Variants in NCOA1 observed in about 807,000 individuals in gnomAD.
NCOA1 encodes the protein nuclear receptor coactivator 1.
NCOA1 carries 35 observed loss-of-function variants against 150.9 expected under a neutral mutation model. That is an observed-to-expected ratio of 0.23 (90% CI 0.18 to 0.31). The LOEUF (loss-of-function observed/expected upper bound fraction) is 0.31. NCOA1 is among the 10% of genes least tolerant of loss of function. The probability of loss-of-function intolerance (pLI) is 1.00; values close to 1 mark genes in which losing one functional copy is unlikely to be tolerated. For missense variants in NCOA1, 1,491 were observed against 1,749.3 expected, an observed-to-expected ratio of 0.85 and a Z score of 2.63; for synonymous variants, 590 against 630.0, an observed-to-expected ratio of 0.94 and a Z score of 0.95.
chr2:24,633,263 A>G (rs1292192855), intron 3 of NCOA1, among the ~76,000 whole-genome samples: 1 of 152,086 alleles, frequency 6.6e-6, no homozygotes, highest in Non-Finnish European at 1.5e-5. Context: ...ACAAAAAAGA[A>G]TTTTTACCAA....
intron 19 of NCOA1, among the ~76,000 whole-genome samples, chr2:24,745,464 A>T (rs1404686190): frequency 6.6e-6 from 1 of 152,016 alleles, no homozygotes; most frequent in African/African-American, 2.4e-5. Flanking sequence ...GCCTGGCCAG[A>T]AATTGTTTTC....
chr2:24,737,286 A>G (rs1572662951), intron 17 of NCOA1, among the ~76,000 whole-genome samples: 1 of 152,178 alleles, frequency 6.6e-6, no homozygotes, highest in African/African-American at 2.4e-5. Flanking sequence ...TGTACACAGC[A>G]CTAGTCAGGT....
chr2:24,611,060 T>G (rs907900167), intron 3 of NCOA1, among the ~76,000 whole-genome samples: 3 of 152,308 alleles, frequency 2.0e-5, no homozygotes, highest in Admixed American at 1.3e-4. Context: ...ACCCAGGTAG[T>G]GAGCATAGTA....
At chr2:24,733,927 G>C (rs990500111) in intron 17 of NCOA1, among the ~76,000 whole-genome samples, 1 of 152,132 alleles carries the variant, frequency 6.6e-6, no homozygotes, top group South Asian at 2.1e-4. Context: ...GCTCACGCCT[G>C]TAACCCCAGC....
intron 14 of NCOA1, among the ~76,000 whole-genome samples, chr2:24,718,901 C>T (rs1674205872): frequency 6.7e-6 from 1 of 148,866 alleles, no homozygotes. Context: ...TGGTGGCGGG[C>T]GCCTGTAATC....
At chr2:24,649,249 C>G (rs1388613703) in intron 4 of NCOA1, among the ~76,000 whole-genome samples, 1 of 152,120 alleles carries the variant, frequency 6.6e-6, no homozygotes, top group African/African-American at 2.4e-5. Context: ...TTTTATCACT[C>G]AGTTTTGTCT....
chr2:24,608,998 T>C (rs1446557676), intron 3 of NCOA1, among the ~76,000 whole-genome samples: 1 of 152,174 alleles, frequency 6.6e-6, no homozygotes, highest in Non-Finnish European at 1.5e-5. Context: ...ACATCACTGA[T>C]GGTGTTAAAT....
At chr2:24,681,351 G>GA (rs199832931) in intron 7 of NCOA1, among the ~76,000 whole-genome samples, 2,312 of 151,920 alleles carry the variant, frequency 0.015, 28 homozygotes, top group Non-Finnish European at 0.026. Flanking sequence ...AAAAGGAAAA[G>GA]AAAAAAAGGG....
Position 24,707,314 on chromosome 2 carries a change from A to G in NCOA1, c.1844A>G (p.Asn615Ser). 1.9e-6 allele frequency: 3 copies of G among 1,614,218 alleles called. No homozygotes were observed. The highest frequency in any genetic ancestry group is 1.7e-6 in the Non-Finnish European group (2 of 1,180,028). The change falls in exon 13 of 23, where the codon AAC becomes AGC. Residue 615 changes from asparagine (N) to serine (S), a missense_variant. Asn to Ser is a conservative substitution (Grantham distance 46). Transcript: ENST00000348332. ...GKPLDSGLLHNNDRLSDGDSK... is the reference protein window; with the variant it reads ...GKPLDSGLLHSNDRLSDGDSK... ...CCTCTGGATTCAGGGCTTCTGCATA[A>G]CAATGACAGACTTTCAGATGGAGAC... is the stretch of plus-strand genomic sequence containing the variant.
chr2:24,730,748 G>A (rs1030795523), intron 17 of NCOA1, among the ~76,000 whole-genome samples: 4 of 152,052 alleles, frequency 2.6e-5, no homozygotes, highest in Non-Finnish European at 2.9e-5. Flanking sequence ...GCTGTGGGCC[G>A]GGCGTGGTGG....
Position 24,705,158 on chromosome 2 carries a change from A to G in NCOA1, c.1022A>G (p.His341Arg). Residue 341 changes from histidine to arginine, a missense_variant, in exon 12 of 23, where the codon CAC (histidine) becomes CGC (arginine). Physicochemically the swap from His to Arg is conservative, Grantham distance 29. This residue lies in a region of NCOA1 where 703 missense variants were observed against 717.7 expected (regional missense o/e 0.98). Transcript: ENST00000348332. ...ILNDGTMLSA[H>R]TKCKLCYPQS... ...AATGATGGGACAATGCTTAGCGCCCACACCAAGTGTAAACTTTGCTACCCT... is the reference window on the plus strand; with the variant it reads ...AATGATGGGACAATGCTTAGCGCCCGCACCAAGTGTAAACTTTGCTACCCT... The G allele has an allele frequency of 6.2e-7, 1 of 1,614,104 alleles. No individual in the cohort carries two copies. The highest frequency in any genetic ancestry group is 8.5e-7 in the Non-Finnish European group (1 of 1,179,958).
intron 14 of NCOA1, 152 bp from the exon 15 acceptor site, chr2:24,726,437 T>C: frequency 2.0e-6 from 1 of 489,950 alleles, no homozygotes; most frequent in South Asian, 3.6e-5. Context: ...GTGGTCACAC[T>C]AGATAGTTTA....
At position 24,600,200 on chromosome 2, in the gene NCOA1, T is replaced by G. The variant is rs75456848; in HGVS notation, c.-175+15640T>G. Among the ~76,000 whole-genome samples the G allele has an allele frequency of 7.8e-3, 1,184 of 152,270 alleles. 17 individuals carry two copies. The highest frequency in any genetic ancestry group is 0.027 in the African/African-American group (1,112 of 41,548). ...GGGAGCAGCATTGCGATTATGTTTT[T>G]TTGTTGTTGTTGTTGTTTTTGAGGC... On this transcript the variant is annotated intron_variant, in intron 3 of 22. Transcript: ENST00000348332.
chr2:24,635,787 C>T (rs1458687516), intron 3 of NCOA1, among the ~76,000 whole-genome samples: 1 of 152,112 alleles, frequency 6.6e-6, no homozygotes, highest in Non-Finnish European at 1.5e-5. Context: ...CTATAAATCC[C>T]TTTCTTTAAT....
chr2:24,617,133 A>C (rs1668906236), intron 3 of NCOA1, among the ~76,000 whole-genome samples: 1 of 152,156 alleles, frequency 6.6e-6, no homozygotes, highest in Admixed American at 6.5e-5. Context: ...AGGATGGTAG[A>C]AATGTTGAAC....
intron 1 of NCOA1, among the ~76,000 whole-genome samples, chr2:24,542,467 T>G (rs1046902282): frequency 6.6e-6 from 1 of 152,212 alleles, no homozygotes; most frequent in African/African-American, 2.4e-5. Context: ...AGTAGAAAAT[T>G]TGGATGACTG....
At chr2:24,597,801 T>G (rs1451201634) in intron 3 of NCOA1, among the ~76,000 whole-genome samples, 1 of 152,190 alleles carries the variant, frequency 6.6e-6, no homozygotes, top group Non-Finnish European at 1.5e-5. Context: ...TATTATACTT[T>G]AAGTTCTAGG....
At chr2:24,704,963 C>A in intron 11 of NCOA1, 123 bp from the exon 12 acceptor site, 1 of 929,386 alleles carries the variant, frequency 1.1e-6, no homozygotes, top group Admixed American at 2.6e-5. Flanking sequence ...TATTCTGAGT[C>A]TAAGCAGGCA....
intron 14 of NCOA1, among the ~76,000 whole-genome samples, chr2:24,719,605 G>A (rs1674256727): frequency 6.6e-6 from 1 of 152,046 alleles, no homozygotes. Context: ...ACCTTTTCTA[G>A]CAAAGGTCCT....
Sources: gnomAD v4.1 joint callset for allele counts (sites outside exome capture counted in the v4.1 genomes callset) on GRCh38, gnomAD v4.1.1 for gene constraint, gnomAD v4.1.1 regional missense constraint, MANE v1.5 for transcripts, NCBI Gene and HGNC (gene_info 2026-07-23, HGNC 2026-07-21) for gene names.